Variants in TCF20 observed in about 807,000 individuals in gnomAD.
TCF20 encodes the protein SPRE-binding protein.
TCF20 carries 3 observed loss-of-function variants against 148.6 expected under a neutral mutation model. The ratio of observed to expected loss-of-function variants is 0.02; its 90% CI spans 0.01 to 0.05. TCF20 has a LOEUF of 0.05. Among genes scored for constraint, TCF20 ranks in the 10% least tolerant of loss-of-function variants. The pLI is 1.00. For missense variants in TCF20, 2,350 were observed against 2,429.3 expected (o/e 0.97, Z 0.69); for synonymous variants, 1,049 against 909.5 (o/e 1.15, Z -2.76).
At chr22:42,273,762 T>C (rs1163869893), upstream of TCF20, 2 of 152,238 alleles carry the variant, frequency 1.3e-5, no homozygotes, top group Middle Eastern at 3.2e-3. Flanking sequence ...ACAAAATTAA[T>C]CCTTTCCCTC....
At chr22:42,226,303 A>G (rs1922887744) in intron 1 of TCF20, among the ~76,000 whole-genome samples, 1 of 152,214 alleles carries the variant, frequency 6.6e-6, no homozygotes, top group Non-Finnish European at 1.5e-5. Flanking sequence ...TTTTTCATTC[A>G]AAGGTTGTAT....
intron 3 of TCF20, among the ~76,000 whole-genome samples, chr22:42,177,030 G>A (rs955463534): frequency 6.6e-6 from 1 of 152,130 alleles, no homozygotes; most frequent in African/African-American, 2.4e-5. Context: ...TGTTTGAGAC[G>A]ATGGATTTGC....
intron 1 of TCF20, among the ~76,000 whole-genome samples, chr22:42,291,376 T>C (rs987697139): frequency 4.6e-5 from 7 of 152,028 alleles, no homozygotes; most frequent in Non-Finnish European, 1.0e-4. Context: ...GAGAGGGCAG[T>C]GTGTGGAGCG....
chr22:42,267,146 A>T (rs1198041693), intron 1 of TCF20, among the ~76,000 whole-genome samples: 1 of 152,080 alleles, frequency 6.6e-6, no homozygotes, highest in African/African-American at 2.4e-5. Flanking sequence ...GCATGCCTGT[A>T]ATCCTAGCTA....
chr22:42,174,863 G>C (rs1040240043), intron 3 of TCF20, among the ~76,000 whole-genome samples: 10 of 151,976 alleles, frequency 6.6e-5, no homozygotes, highest in African/African-American at 2.2e-4. Flanking sequence ...GTGAAACCCC[G>C]TCTCTACTAA....
intron 2 of TCF20, among the ~76,000 whole-genome samples, chr22:42,200,539 GC>G (rs1937931054): frequency 6.6e-6 from 1 of 151,570 alleles, no homozygotes; most frequent in Non-Finnish European, 1.5e-5. Context: ...TACTTGGGAG[GC>G]TGAGGCCTGG....
chr22:42,300,622 G>T (rs951980393), intron 1 of TCF20, among the ~76,000 whole-genome samples: 1 of 152,128 alleles, frequency 6.6e-6, no homozygotes, highest in African/African-American at 2.4e-5. Context: ...AGCCTCCTGC[G>T]GTCAGCAGCC....
chr22:42,218,706 A>G (rs570425064), intron 1 of TCF20, among the ~76,000 whole-genome samples: 2 of 152,212 alleles, frequency 1.3e-5, no homozygotes, highest in African/African-American at 4.8e-5. Flanking sequence ...TATTCTTCCT[A>G]AATAGGAGCC....
At chr22:42,221,739 GTTT>G (rs59283483) in intron 1 of TCF20, among the ~76,000 whole-genome samples, 23 of 92,806 alleles carry the variant, frequency 2.5e-4, no homozygotes, top group Admixed American at 2.4e-3. Context: ...ATGGCAAAGG[GTTT>G]TTTTTTTTTT....
At chr22:42,192,145 T>C (rs1937366163) in intron 2 of TCF20, among the ~76,000 whole-genome samples, 1 of 152,228 alleles carries the variant, frequency 6.6e-6, no homozygotes, top group African/African-American at 2.4e-5. Flanking sequence ...TGGCTCATCC[T>C]ACCCAGGAGT....
chr22:42,247,009 T>TA (rs1283274631), intron 1 of TCF20, among the ~76,000 whole-genome samples: 2 of 136,816 alleles, frequency 1.5e-5, no homozygotes, highest in Non-Finnish European at 3.2e-5. Flanking sequence ...AAAGGTATAA[T>TA]AAAAAGCAAA....
At chr22:42,197,294 T>C (rs1937640499) in intron 2 of TCF20, among the ~76,000 whole-genome samples, 1 of 152,094 alleles carries the variant, frequency 6.6e-6, no homozygotes, top group Non-Finnish European at 1.5e-5. Flanking sequence ...TACAGTCCTC[T>C]ATCATCATCT....
upstream of TCF20, among the ~76,000 whole-genome samples, chr22:42,272,364 G>A (rs564158483): frequency 1.3e-5 from 2 of 152,178 alleles, no homozygotes; most frequent in Non-Finnish European, 2.9e-5. Flanking sequence ...GAAGACTGGT[G>A]TTGGGGGCAC....
intron 3 of TCF20, among the ~76,000 whole-genome samples, chr22:42,175,001 C>G (rs189875567): frequency 2.0e-5 from 3 of 151,358 alleles, no homozygotes; most frequent in Non-Finnish European, 2.9e-5. Flanking sequence ...CGCCACTGCA[C>G]TCCAGTCGGG....
intron 2 of TCF20, among the ~76,000 whole-genome samples, chr22:42,200,717 T>C (rs1937949304): frequency 6.6e-6 from 1 of 151,040 alleles, no homozygotes; most frequent in Admixed American, 6.6e-5. Context: ...TCCTTCTGAC[T>C]CCCGTTTCTA....
chr22:42,190,538 A>T (rs1190326965), intron 2 of TCF20, among the ~76,000 whole-genome samples: 1 of 152,080 alleles, frequency 6.6e-6, no homozygotes. Context: ...GTTACTCTCT[A>T]GTCCCATGTG....
intron 1 of TCF20, among the ~76,000 whole-genome samples, chr22:42,316,721 C>A (rs1014511061): frequency 2.8e-4 from 43 of 152,324 alleles, no homozygotes; most frequent in African/African-American, 1.0e-3. Flanking sequence ...CACGCGTGAG[C>A]CACTGCGCCC....
At chr22:42,327,477 G>A (rs556432753) in intron 1 of TCF20, among the ~76,000 whole-genome samples, 1 of 152,138 alleles carries the variant, frequency 6.6e-6, no homozygotes, top group African/African-American at 2.4e-5. Context: ...AAGGGTGAGT[G>A]GGAACCCCAG....
At position 42,187,686 on chromosome 22, in the gene TCF20, G is replaced by A. The variant is rs376719855; in HGVS notation, c.5656-7984C>T. ...GGGACCAGCCTGTCTGCAGTTTATA[G>A]TAAAGTTATGATGTTTTCCATCAGG... On this transcript the variant is annotated intron_variant, in intron 2 of 5. Coordinates refer to ENST00000677622, the MANE Select transcript of TCF20 (RefSeq NM_001378418.1). Among the ~76,000 whole-genome samples the A allele has an allele frequency of 5.4e-4, 82 of 152,288 alleles. 2 individuals are homozygous for A. In the South Asian group the frequency reaches 0.016, roughly 29 times the overall value.
Sources: allele counts gnomAD v4.1 joint callset (sites outside exome capture counted in the v4.1 genomes callset), GRCh38; gene constraint gnomAD v4.1.1; transcripts MANE v1.5; gene names NCBI Gene and HGNC (gene_info 2026-07-23, HGNC 2026-07-21).